SSC5D: variants seen among roughly 807,000 people sequenced by gnomAD.
SSC5D encodes soluble scavenger receptor cysteine-rich domain-containing protein SSC5D.
In SSC5D, 106 loss-of-function variants were observed where a neutral mutation model predicts 104.6. The ratio of observed to expected loss-of-function variants is 1.01; its 90% CI spans 0.87 to 1.19. The LOEUF is 1.19. Ranked by LOEUF, SSC5D falls within the 50% of genes most tolerant of loss-of-function variation. The pLI is 0.00. For missense variants in SSC5D, 1,993 were observed against 2,153.8 expected, an observed-to-expected ratio of 0.93 and a Z score of 1.48; for synonymous variants, 860 against 883.5, an observed-to-expected ratio of 0.97 and a Z score of 0.47.
At chr19:55,502,637 C>T (rs926142367) in intron 12 of SSC5D, among the ~76,000 whole-genome samples, 10 of 152,142 alleles carry the variant, frequency 6.6e-5, no homozygotes, top group African/African-American at 2.4e-4. Flanking sequence ...CTGTTTCTCA[C>T]TCCATTTTTC....
chr19:55,504,974 C>G (rs1206418508), intron 12 of SSC5D, among the ~76,000 whole-genome samples: 1 of 152,052 alleles, frequency 6.6e-6, no homozygotes, highest in Non-Finnish European at 1.5e-5. Context: ...AACTTAGGAG[C>G]CACGATTATA....
chr19:55,501,886 T>C (rs1987513706), intron 12 of SSC5D, among the ~76,000 whole-genome samples: 1 of 152,162 alleles, frequency 6.6e-6, no homozygotes, highest in Non-Finnish European at 1.5e-5. Context: ...TCACTTGCTG[T>C]TGGTCTCTTT....
intron 12 of SSC5D, 61 bp downstream of exon 12, chr19:55,501,262 C>T: frequency 6.9e-7 from 1 of 1,454,380 alleles, no homozygotes; most frequent in Non-Finnish European, 9.1e-7. Context: ...CGCTTCCCTG[C>T]AGGGTTTCCA....
At chr19:55,510,150 A>C (rs1987725709) in intron 12 of SSC5D, among the ~76,000 whole-genome samples, 1 of 152,006 alleles carries the variant, frequency 6.6e-6, no homozygotes, top group Non-Finnish European at 1.5e-5. Context: ...GGTGTGCCCC[A>C]CCACACCTGG....
chr19:55,502,961 G>C (rs1234076202), intron 12 of SSC5D, among the ~76,000 whole-genome samples: 1 of 152,234 alleles, frequency 6.6e-6, no homozygotes, highest in South Asian at 2.1e-4. Context: ...GATTACAGGC[G>C]TGTGCCACCA....
chr19:55,493,668 T>C lies in SSC5D; in HGVS notation c.969T>C (p.Gly323=), dbSNP rs1987216281. The C allele has an allele frequency of 1.3e-6, 2 of 1,501,420 alleles. No homozygotes were observed. Among genetic ancestry groups the C allele is most frequent in the Non-Finnish European group, 1.8e-6 (2 of 1,132,804 alleles). 93.0% of individuals were successfully genotyped at this position (1,501,420 alleles called of 1,614,324 possible). A position where few individuals can be genotyped will look rare whatever the true frequency, so the allele number is the denominator to read the frequency against. The stretch of plus-strand genomic sequence containing the variant: ...GCCGCCTGGAGGTCTGGCACGGGGG[T>C]CGCTGGGGGTCGGTGTGTGACGACG... The part of the protein sequence containing the change: ...CAGRLEVWHG[G]RWGSVCDDAW... Residue 323 remains glycine, a synonymous_variant, in exon 7 of 14, where the codon GGT becomes GGC. Coordinates refer to ENST00000389623, the MANE Select transcript of SSC5D (RefSeq NM_001144950.2).
chr19:55,513,466 G>C (rs1987804308), intron 13 of SSC5D, among the ~76,000 whole-genome samples: 1 of 152,144 alleles, frequency 6.6e-6, no homozygotes, highest in Non-Finnish European at 1.5e-5. Flanking sequence ...TGTGGTCCCA[G>C]CTGCTTGGGA....
rs997444060 is a variant in SSC5D, at chr19:55,500,825, T to C, written c.2617+21T>C. 13 of 1,526,930 alleles carry C rather than the reference T, an allele frequency of 8.5e-6. No homozygotes were observed. The African/African-American group carries it at 1.3e-4, about 15-fold the overall frequency. The allele number at this position is 1,526,930 out of a possible 1,614,324, so 94.6% of individuals were successfully genotyped here. A position where few individuals can be genotyped will look rare whatever the true frequency, so the allele number is the denominator to read the frequency against. ...CACTGGTACCAGGGCATGGCGGCGG[T>C]GGTGGGGTTGTCGGGGGTGGCCAGG... On this transcript the variant is annotated intron_variant, in intron 11 of 13. Coordinates refer to ENST00000389623, the MANE Select transcript of SSC5D (RefSeq NM_001144950.2). The surrounding 1 kb of genome is among the most constrained non-coding windows in gnomAD (Gnocchi z 4.6).
chr19:55,511,201 C>T (rs928029711), intron 12 of SSC5D, among the ~76,000 whole-genome samples: 4 of 152,154 alleles, frequency 2.6e-5, no homozygotes, highest in African/African-American at 4.8e-5. Flanking sequence ...GTTAATAATA[C>T]GAAGGCATGA....
chr19:55,494,341 TCTC>T (rs1987250185), intron 7 of SSC5D, among the ~76,000 whole-genome samples: 1 of 150,758 alleles, frequency 6.6e-6, no homozygotes, highest in Admixed American at 6.6e-5. Flanking sequence ...AAGCCAGCCT[TCTC>T]CTCTGCATAA....
At position 55,503,972 on chromosome 19, in the gene SSC5D, A is replaced by G. The variant is rs1568481425; in HGVS notation, c.2785+2771A>G. On this transcript the variant is annotated intron_variant, in intron 12 of 13. Coordinates refer to ENST00000389623, the MANE Select transcript of SSC5D (RefSeq NM_001144950.2). This position sits in a 1 kb window ranked among gnomAD's most constrained non-coding sequence, Gnocchi z 4.0. ...GCCAGCCGGCGCATCGCCCGCAGTAATAATAGCTGGGCGAAGGGCAACCAG... is the reference window on the plus strand; with the variant it reads ...GCCAGCCGGCGCATCGCCCGCAGTAGTAATAGCTGGGCGAAGGGCAACCAG... 5.2e-6 allele frequency: 4 copies of G among 774,862 alleles called. No individual in the cohort carries two copies. The highest frequency in any genetic ancestry group is 7.9e-6 in the Non-Finnish European group (4 of 506,762). 48.0% of individuals were successfully genotyped at this position (774,862 alleles called of 1,614,324 possible). A position where few individuals can be genotyped will look rare whatever the true frequency, so the allele number is the denominator to read the frequency against.
chr19:55,515,466 G>T (rs1987851336), intron 13 of SSC5D, among the ~76,000 whole-genome samples: 1 of 150,910 alleles, frequency 6.6e-6, no homozygotes, highest in African/African-American at 2.4e-5. Context: ...GGGCGCAGTG[G>T]CCACGCCTGT....
rs1987580728 is a variant in SSC5D, at chr19:55,504,058, C to T, written c.2785+2857C>T. The T allele has an allele frequency of 6.7e-5, 100 of 1,500,402 alleles. 1 individual carries two copies. The South Asian group carries it at 1.2e-3, about 17-fold the overall frequency. 92.9% of individuals were successfully genotyped at this position (1,500,402 alleles called of 1,614,324 possible). ...GGGAGGAAGCAGGCCCTAGAGGCGC[C>T]GTGACTTGGGGGTGGGTGGGCTCCA... On this transcript the variant is annotated intron_variant, in intron 12 of 13. Coordinates refer to ENST00000389623, the MANE Select transcript of SSC5D (RefSeq NM_001144950.2).
At position 55,503,849 on chromosome 19, in the gene SSC5D, G is replaced by T. The variant is rs1404086446; in HGVS notation, c.2785+2648G>T. On this transcript the variant is annotated intron_variant, in intron 12 of 13. Transcript: ENST00000389623. This position sits in a 1 kb window ranked among gnomAD's most constrained non-coding sequence, Gnocchi z 4.0. The stretch of plus-strand genomic sequence containing the variant: ...TTTTTCTGGCGCTCAGCACGCATGC[G>T]CAGGCGCGGTGGGCCCGGGAATGGA... Among the ~76,000 whole-genome samples, 1 of 151,958 alleles carries T rather than the reference G, an allele frequency of 6.6e-6. No individual in the cohort carries two copies. The highest frequency in any genetic ancestry group is 2.4e-5 in the African/African-American group (1 of 41,334).
Position 55,499,697 on chromosome 19 carries a change from T to C in SSC5D, c.1706-119T>C. ...CTCAATAAATATTTGTGACAATAAA[T>C]GAATGAATGATGAATGAATGGGAAC... On this transcript the variant is annotated intron_variant, in intron 9 of 13. Transcript: ENST00000389623. 3 of 806,958 alleles carry C rather than the reference T, an allele frequency of 3.7e-6. No homozygotes were observed. In the East Asian group the frequency reaches 8.0e-5, roughly 22 times the overall value. 50.0% of individuals were successfully genotyped at this position (806,958 alleles called of 1,614,324 possible).
At chr19:55,493,987 C>CAGGG in intron 7 of SSC5D, 75 bp downstream of exon 7, 1 of 206,422 alleles carries the variant, frequency 4.8e-6, no homozygotes, top group South Asian at 1.1e-4. Context: ...TCGGCGGGGG[C>CAGGG]GGGGGGGTCC....
rs1026632288 is a variant in SSC5D, at chr19:55,490,944, C to A, written c.759C>A (p.Phe253Leu). 1.9e-6 allele frequency: 3 copies of A among 1,544,422 alleles called. No homozygotes were observed. The highest frequency in any genetic ancestry group is 2.6e-6 in the Non-Finnish European group (3 of 1,143,776). Residue 253 changes from phenylalanine (F) to leucine (L), a missense_variant, in exon 6 of 14, where the codon TTC (phenylalanine) becomes TTA (leucine). Phe to Leu is a conservative substitution (Grantham distance 22). Around this residue, in one of 6 missense-constraint regions of SSC5D, gnomAD observed 1,101 missense variants for 1,085.0 expected, o/e 1.01. Coordinates refer to ENST00000389623, the MANE Select transcript of SSC5D (RefSeq NM_001144950.2). The stretch of plus-strand genomic sequence containing the variant: ...TGGCTGCCCCCGGCGGTGCCAGATT[C>A]GGGCCTGGTGCAGGGCCCGTGTGGA... ...GALAAPGGAR[F>L]GPGAGPVWMD...
At position 55,512,871 on chromosome 19, in the gene SSC5D, C is replaced by T. The variant is rs1599928963; in HGVS notation, c.2786-140C>T. The T allele has an allele frequency of 1.2e-5, 12 of 1,008,312 alleles. No homozygotes were observed. In the East Asian group the frequency reaches 1.6e-4, roughly 13 times the overall value. 62.5% of individuals were successfully genotyped at this position (1,008,312 alleles called of 1,614,324 possible). A position where few individuals can be genotyped will look rare whatever the true frequency, so the allele number is the denominator to read the frequency against. On this transcript the variant is annotated intron_variant, in intron 12 of 13. Transcript: ENST00000389623. The stretch of plus-strand genomic sequence containing the variant: ...CCCAGCTGAATGGAGAAGGTCTCCA[C>T]GAGGTCAGGTAGGGCTGCAGTGGCG...
Position 55,518,037 on chromosome 19 carries a change from C to T in SSC5D, c.3761C>T (p.Thr1254Ile). Reference protein sequence around the residue: ...TPHPTTITHSTMIPDPTTTPQ... With the variant: ...TPHPTTITHSIMIPDPTTTPQ... Reference sequence around the variant, plus strand: ...CATCCCACCACCATCACTCACTCCACCATGATTCCTGACCCCACCACAACC... The same window carrying T: ...CATCCCACCACCATCACTCACTCCATCATGATTCCTGACCCCACCACAACC... Residue 1254 changes from threonine to isoleucine, a missense_variant, in exon 14 of 14, where the codon ACC becomes ATC. Thr to Ile is a moderately conservative substitution (Grantham distance 89). This residue lies in a region of SSC5D where 20 missense variants were observed against 102.5 expected (regional missense o/e 0.20). Coordinates refer to ENST00000389623, the MANE Select transcript of SSC5D (RefSeq NM_001144950.2). The T allele has an allele frequency of 6.5e-7, 1 of 1,539,734 alleles. No individual in the cohort carries two copies. Among genetic ancestry groups the T allele is most frequent in the Non-Finnish European group, 8.7e-7 (1 of 1,144,136 alleles).
Sources: allele counts gnomAD v4.1 joint callset (sites outside exome capture counted in the v4.1 genomes callset), GRCh38; gene constraint gnomAD v4.1.1; regional missense constraint gnomAD v4.1.1; non-coding constraint Gnocchi (gnomAD v3.1); transcripts MANE v1.5; gene names NCBI Gene and HGNC (gene_info 2026-07-23, HGNC 2026-07-21).